The following RADIL variants were observed in gnomAD, a reference collection of about 807,000 sequenced individuals.
RADIL encodes the protein ras-associating and dilute domain-containing protein.
RADIL carries 99 observed loss-of-function variants against 97.6 expected under a neutral mutation model. The ratio of observed to expected loss-of-function variants is 1.01; its 90% confidence interval spans 0.86 to 1.20. The LOEUF (loss-of-function observed/expected upper bound fraction) is 1.20, where lower values mean the gene tolerates loss of function less well. RADIL is among the 50% of genes most tolerant of loss of function. RADIL has a pLI of 0.00. For synonymous variants in RADIL, 803 were observed against 691.8 expected (o/e 1.16, Z -2.52); for missense variants, 1,765 against 1,498.9 (o/e 1.18, Z -2.93).
At chr7:4,882,701 A>G (rs914921191) in intron 1 of RADIL, among the ~76,000 whole-genome samples, 1 of 152,200 alleles carries the variant, frequency 6.6e-6, no homozygotes, top group Non-Finnish European at 1.5e-5. Flanking sequence ...AGCCCGAGCC[A>G]CGCTTTCAAA....
chr7:4,855,218 T>C (rs1305940560), intron 2 of RADIL, among the ~76,000 whole-genome samples: 1 of 152,182 alleles, frequency 6.6e-6, no homozygotes, highest in African/African-American at 2.4e-5. Context: ...TACAAAACGT[T>C]GACATAAACA....
chr7:4,869,071 G>C (rs1784195290), intron 2 of RADIL, among the ~76,000 whole-genome samples: 1 of 152,194 alleles, frequency 6.6e-6, no homozygotes, highest in Admixed American at 6.5e-5. Flanking sequence ...AGGTTGCAGT[G>C]AGCTGAGATT....
intron 1 of RADIL, among the ~76,000 whole-genome samples, chr7:4,881,641 C>G (rs1323433762): frequency 1.3e-5 from 2 of 148,318 alleles, no homozygotes; most frequent in Non-Finnish European, 3.0e-5. Context: ...GCAGGAGAAT[C>G]GCTTGAACCC....
At chr7:4,807,894 T>G in intron 9 of RADIL, among the ~76,000 whole-genome samples, 1 of 28,402 alleles carries the variant, frequency 3.5e-5, no homozygotes, top group African/African-American at 1.7e-4. Flanking sequence ...CCCCTCCCTC[T>G]TCCCTCTTCT....
chr7:4,828,188 T>A (rs1783049016), intron 5 of RADIL, among the ~76,000 whole-genome samples: 2 of 152,258 alleles, frequency 1.3e-5, no homozygotes, highest in South Asian at 4.1e-4. Flanking sequence ...CTGGGTGCAG[T>A]GGCTTACGCC....
intron 12 of RADIL, among the ~76,000 whole-genome samples, chr7:4,800,842 G>A (rs974621223): frequency 1.3e-5 from 2 of 152,194 alleles, no homozygotes; most frequent in Non-Finnish European, 2.9e-5. Flanking sequence ...CAAGTGGCCT[G>A]CCTGGGACCC....
rs191656651 is a variant in RADIL, at chr7:4,874,956, G to A, written c.535+2649C>T. Among the ~76,000 whole-genome samples the A allele has an allele frequency of 1.8e-3, 269 of 152,184 alleles. 2 individuals are homozygous for A. The highest frequency in any genetic ancestry group is 6.1e-3 in the African/African-American group (252 of 41,516). ...GCCTGTAATCCCAGCACTTTGGGAG[G>A]CCGAGGCGGGCGGATCACAAGGTCA... On this transcript the variant is annotated intron_variant, in intron 2 of 14. Coordinates refer to ENST00000399583, the MANE Select transcript of RADIL (RefSeq NM_018059.5).
chr7:4,833,321 T>C (rs974604755), intron 4 of RADIL, among the ~76,000 whole-genome samples: 2 of 152,188 alleles, frequency 1.3e-5, no homozygotes, highest in Non-Finnish European at 2.9e-5. Flanking sequence ...GAAATGACAA[T>C]GATCGTGCGA....
chr7:4,863,773 G>T (rs1289387855), intron 2 of RADIL, among the ~76,000 whole-genome samples: 1 of 152,266 alleles, frequency 6.6e-6, no homozygotes, highest in Admixed American at 6.5e-5. Flanking sequence ...GATTCCAATT[G>T]TATTTGGAGG....
intron 2 of RADIL, among the ~76,000 whole-genome samples, chr7:4,843,306 C>T (rs1329173176): frequency 6.6e-6 from 1 of 152,048 alleles, no homozygotes; most frequent in East Asian, 1.9e-4. Context: ...AGCCACCGCG[C>T]CCGGCCAAGA....
chr7:4,862,064 C>T (rs1562455413), intron 2 of RADIL: 1 of 380,178 alleles, frequency 2.6e-6, no homozygotes, highest in Non-Finnish European at 4.7e-6. Context: ...GCACCCGCCG[C>T]CAGCGCGAGG....
intron 5 of RADIL, among the ~76,000 whole-genome samples, chr7:4,827,469 G>A (rs1222971369): frequency 2.0e-5 from 3 of 151,170 alleles, no homozygotes; most frequent in East Asian, 3.9e-4. Context: ...AGACCATCCT[G>A]GCTAACACAG....
At chr7:4,830,216 C>A (rs1283082160) in intron 5 of RADIL, among the ~76,000 whole-genome samples, 5 of 152,332 alleles carry the variant, frequency 3.3e-5, no homozygotes, top group African/African-American at 1.2e-4. Flanking sequence ...TTCAGCTGCA[C>A]TGAGAGAGCA....
chr7:4,834,365 C>T lies in RADIL; in HGVS notation c.1416+242G>A, dbSNP rs1371013774. 1.3e-5 allele frequency among the ~76,000 whole-genome samples: 2 copies of T among 152,172 alleles called. No individual in the cohort carries two copies. Among genetic ancestry groups the T allele is most frequent in the Non-Finnish European group, 2.9e-5 (2 of 68,012 alleles). Reference sequence around the variant, plus strand: ...AGAGCTCAGGAGGTGACCTAGGACCCCACGCAAACCCCACCCTCAGGGGCA... The same window carrying T: ...AGAGCTCAGGAGGTGACCTAGGACCTCACGCAAACCCCACCCTCAGGGGCA... On this transcript the variant is annotated intron_variant, in intron 4 of 14. Coordinates refer to ENST00000399583, the MANE Select transcript of RADIL (RefSeq NM_018059.5). This position sits in a 1 kb window ranked among gnomAD's most constrained non-coding sequence, Gnocchi z 6.0.
chr7:4,862,126 G>T, intron 2 of RADIL: 1 of 320,336 alleles, frequency 3.1e-6, no homozygotes, highest in African/African-American at 2.1e-5. Flanking sequence ...CTGCGCGGGG[G>T]GCTATACATG....
intron 5 of RADIL, among the ~76,000 whole-genome samples, chr7:4,823,548 C>T (rs1342921702): frequency 1.3e-5 from 2 of 152,130 alleles, no homozygotes; most frequent in African/African-American, 4.8e-5. Context: ...CTGGCCAGCC[C>T]AATGCAGGTA....
Position 4,800,319 on chromosome 7 carries a change from G to A in RADIL, c.2843-9C>T, listed in dbSNP as rs1782039496. 1.4e-6 allele frequency: 2 copies of A among 1,439,820 alleles called. No homozygotes were observed. The highest frequency in any genetic ancestry group is 9.1e-7 in the Non-Finnish European group (1 of 1,096,304). The allele number at this position is 1,439,820 out of a possible 1,614,324, so 89.2% of individuals were successfully genotyped here. A position where few individuals can be genotyped will look rare whatever the true frequency, so the allele number is the denominator to read the frequency against. Reference sequence around the variant, plus strand: ...AAGGGCTGCAGAGTCTCCTGGGTGGGGGCCAGGAAAGGTGGGTGGGAGTGA... The same window carrying A: ...AAGGGCTGCAGAGTCTCCTGGGTGGAGGCCAGGAAAGGTGGGTGGGAGTGA... On this transcript the variant is annotated splice_polypyrimidine_tract_variant and intron_variant, in intron 12 of 14. Transcript: ENST00000399583.
At chr7:4,871,255 T>G (rs76356318) in intron 2 of RADIL, among the ~76,000 whole-genome samples, 1,944 of 152,354 alleles carry the variant, frequency 0.013, 49 homozygotes, top group African/African-American at 0.043. Context: ...TCACCTCCAC[T>G]GTGCTAAGAT....
Position 4,817,038 on chromosome 7 carries a change from C to T in RADIL, c.1728+201G>A, listed in dbSNP as rs567132341. On this transcript the variant is annotated intron_variant, in intron 7 of 14. Transcript: ENST00000399583. This position sits in a 1 kb window ranked among gnomAD's most constrained non-coding sequence, Gnocchi z 8.3. ...CTGGGATGGTTCTAGGGCTTCTGTG[C>T]GACCTGAGGAGGAGCGGGTGTGGGG... Among the ~76,000 whole-genome samples the T allele has an allele frequency of 6.6e-6, 1 of 152,138 alleles. No homozygotes were observed.
Sources: gnomAD v4.1 joint callset for allele counts (sites outside exome capture counted in the v4.1 genomes callset) on GRCh38, gnomAD v4.1.1 for gene constraint, Gnocchi (gnomAD v3.1) non-coding constraint, MANE v1.5 for transcripts, NCBI Gene and HGNC (gene_info 2026-07-23, HGNC 2026-07-21) for gene names.